The following HMCN2 variants were observed in gnomAD, a reference collection of about 807,000 sequenced individuals.
HMCN2 encodes the protein hemicentin-2.
HMCN2 carries 325 observed loss-of-function variants against 377.5 expected under a neutral mutation model. The observed-to-expected ratio is 0.86, with a 90% confidence interval of 0.79 to 0.94. HMCN2 has a LOEUF of 0.94. HMCN2 is among the 40% of genes least tolerant of loss of function. The pLI is 0.00. For synonymous variants in HMCN2, 2,007 were observed against 2,046.8 expected, an observed-to-expected ratio of 0.98 and a Z score of 0.53; for missense variants, 4,543 against 4,725.3, an observed-to-expected ratio of 0.96 and a Z score of 1.13.
rs953089029 is a variant in HMCN2 at position 130,311,871 on chromosome 9, G to A, written c.2350+1810G>A. 2.9e-3 allele frequency among the ~76,000 whole-genome samples: 440 copies of A among 152,244 alleles called. 2 individuals are homozygous for A. The highest frequency in any genetic ancestry group is 9.9e-3 in the African/African-American group (410 of 41,544). ...GGGGTTGGTGAGAGGTTTTCAGGAG[G>A]AGGGTCGTGTGCTCAGACTTTTCCA... On this transcript the variant is annotated intron_variant, in intron 15 of 97. Coordinates refer to ENST00000683500, the MANE Select transcript of HMCN2 (RefSeq NM_001291815.2).
At chr9:130,391,693 C>A in intron 65 of HMCN2, 119 bp downstream of exon 65, 1 of 875,452 alleles carries the variant, frequency 1.1e-6, no homozygotes, top group Non-Finnish European at 1.4e-6. Flanking sequence ...CCTGGGCCTC[C>A]ATGGCCCATC....
At chr9:130,372,992 C>CCA (rs1399423374) in intron 47 of HMCN2, 46 bp from the exon 48 acceptor site, 1 of 140,524 alleles carries the variant, frequency 7.1e-6, no homozygotes, top group Non-Finnish European at 1.6e-5. Context: ...GGGCCAGCCC[C>CCA]CCCCCCCACC....
At chr9:130,278,464 G>T (rs745980794) in intron 1 of HMCN2, among the ~76,000 whole-genome samples, 7 of 152,006 alleles carry the variant, frequency 4.6e-5, no homozygotes, top group Non-Finnish European at 1.0e-4. Context: ...AGTGGCAAAG[G>T]GAACAGGCAT....
chr9:130,283,973 C>T (rs969789704), intron 1 of HMCN2, among the ~76,000 whole-genome samples: 5 of 152,132 alleles, frequency 3.3e-5, no homozygotes, highest in Non-Finnish European at 7.3e-5. Flanking sequence ...GCATGTGTAA[C>T]GTTTTAGAAA....
chr9:130,316,559 C>A (rs1837571347), intron 15 of HMCN2, among the ~76,000 whole-genome samples: 1 of 152,176 alleles, frequency 6.6e-6, no homozygotes, highest in South Asian at 2.1e-4. Flanking sequence ...CACTTAGAGC[C>A]CCATCCCCAC....
intron 54 of HMCN2, among the ~76,000 whole-genome samples, chr9:130,381,833 A>G (rs1841737740): frequency 6.6e-6 from 1 of 152,012 alleles, no homozygotes; most frequent in African/African-American, 2.4e-5. Context: ...TGGGCTCAGC[A>G]CAACAGCAGA....
chr9:130,396,249 G>A lies in HMCN2; in HGVS notation c.11134G>A (p.Gly3712Ser), dbSNP rs952484155. ...QTALLPCQAD[G>S]VPAPLVSWRK... ...AGCCCTGCTGCCTTGCCAGGCCGAC[G>A]GCGTGCCCGCACCCCTCGTGAGCTG... Residue 3712 changes from glycine (G) to serine (S), a missense_variant, in exon 73 of 98, where the codon GGC becomes AGC. Coordinates refer to ENST00000683500, the MANE Select transcript of HMCN2 (RefSeq NM_001291815.2). 6.2e-6 allele frequency: 8 copies of A among 1,287,002 alleles called. No homozygotes were observed. Among genetic ancestry groups the A allele is most frequent in the Middle Eastern group, 2.1e-4 (1 of 4,708 alleles). The allele number at this position is 1,287,002 out of a possible 1,614,324, so 79.7% of individuals were successfully genotyped here. A position where few individuals can be genotyped will look rare whatever the true frequency, so the allele number is the denominator to read the frequency against.
intron 4 of HMCN2, 91 bp from the exon 5 acceptor site, chr9:130,294,764 A>T: frequency 2.9e-6 from 1 of 345,740 alleles, no homozygotes; most frequent in South Asian, 2.2e-5. Context: ...GCCTTGGGCG[A>T]CCTGGAAAGT....
At chr9:130,293,130 C>G (rs1449298502) in intron 4 of HMCN2, among the ~76,000 whole-genome samples, 1 of 152,056 alleles carries the variant, frequency 6.6e-6, no homozygotes, top group African/African-American at 2.4e-5. Flanking sequence ...TTGATACTTG[C>G]AGCTGTCTCT....
intron 85 of HMCN2, among the ~76,000 whole-genome samples, chr9:130,411,572 C>G (rs1843407473): frequency 6.8e-6 from 1 of 146,582 alleles, no homozygotes; most frequent in Non-Finnish European, 1.5e-5. Context: ...CGCACTCCAG[C>G]CTGGTTGACA....
At chr9:130,411,819 G>A (rs1352724158) in intron 85 of HMCN2, among the ~76,000 whole-genome samples, 1 of 151,948 alleles carries the variant, frequency 6.6e-6, no homozygotes, top group Non-Finnish European at 1.5e-5. Context: ...GGGAGAAGGG[G>A]GAGTTAGAAT....
chr9:130,310,221 C>T (rs193153625), intron 15 of HMCN2, among the ~76,000 whole-genome samples, 160 bp downstream of exon 15: 109 of 152,310 alleles, frequency 7.2e-4, no homozygotes, highest in African/African-American at 2.4e-3. Flanking sequence ...CCAGGGGAGG[C>T]GGTGCATGCA....
intron 1 of HMCN2, among the ~76,000 whole-genome samples, chr9:130,274,347 C>T (rs924608787): frequency 5.9e-5 from 9 of 152,152 alleles, no homozygotes; most frequent in African/African-American, 1.2e-4. Context: ...TGAGCCACCG[C>T]GCCTGGCCAA....
Position 130,360,778 on chromosome 9 carries a change from A to G in HMCN2, c.5950+174A>G, listed in dbSNP as rs1202303815. On this transcript the variant is annotated intron_variant, in intron 38 of 97. Transcript: ENST00000683500. The surrounding 1 kb of genome is among the most constrained non-coding windows in gnomAD (Gnocchi z 4.7). ...CATCCATCCATCCATCCATCCATCC[A>G]TCCATCCATCCCACCCATCCATCCA... 2.7e-5 allele frequency among the ~76,000 whole-genome samples: 4 copies of G among 148,454 alleles called. No homozygotes were observed. The highest frequency in any genetic ancestry group is 1.0e-4 in the African/African-American group (4 of 39,896).
At chr9:130,287,823 G>A (rs1554928548) in intron 4 of HMCN2, among the ~76,000 whole-genome samples, 1 of 152,172 alleles carries the variant, frequency 6.6e-6, no homozygotes. Context: ...AGGAGAGAGA[G>A]GCAGGGTGTC....
rs569857058 is a variant in HMCN2 at position 130,357,765 on chromosome 9, G to A, written c.5426-69G>A. ...CCTTCTCACCCCCAGGCATCGAGGG[G>A]GTTGCTGGGTGCCCACTGTACTCCT... On this transcript the variant is annotated intron_variant, in intron 34 of 97. Coordinates refer to ENST00000683500, the MANE Select transcript of HMCN2 (RefSeq NM_001291815.2). The A allele has an allele frequency of 1.8e-5, 21 of 1,190,218 alleles. No homozygotes were observed. In the African/African-American group the frequency reaches 3.0e-4, roughly 17 times the overall value. The allele number at this position is 1,190,218 out of a possible 1,614,324, so 73.7% of individuals were successfully genotyped here.
chr9:130,349,956 G>GTGCAGT (rs1839613162), intron 29 of HMCN2, among the ~76,000 whole-genome samples: 2 of 138,044 alleles, frequency 1.4e-5, no homozygotes, highest in Non-Finnish European at 1.5e-5. Context: ...AGAGTGCAGT[G>GTGCAGT]GAACGATCTC....
rs748612969 is a variant in HMCN2 at position 130,433,561 on chromosome 9, G to C, written c.15108G>C (p.Ala5036=). The C allele has an allele frequency of 1.4e-6, 2 of 1,473,106 alleles. No individual in the cohort carries two copies. Among genetic ancestry groups the C allele is most frequent in the African/African-American group, 1.5e-5 (1 of 67,420 alleles). 91.3% of individuals were successfully genotyped at this position (1,473,106 alleles called of 1,614,324 possible). The change falls in exon 98 of 98, where the codon GCG becomes GCC. Residue 5036 remains alanine, a synonymous_variant. Transcript: ENST00000683500. ...CCTTCGCGCTGCGTCCGCTGCGCGC[G>C]GGCCTTGGCGCGGTCTACACCCGTC... ...RSPFALRPLR[A]GLGAVYTRRA... is the part of the protein sequence containing the mutation.
chr9:130,342,893 C>G (rs993946277), intron 25 of HMCN2, among the ~76,000 whole-genome samples: 9 of 152,140 alleles, frequency 5.9e-5, no homozygotes, highest in Non-Finnish European at 8.8e-5. Flanking sequence ...GTCTTTGGGG[C>G]AGGAGCACGG....
Sources: gnomAD v4.1 joint callset for allele counts (sites outside exome capture counted in the v4.1 genomes callset) on GRCh38, gnomAD v4.1.1 for gene constraint, Gnocchi (gnomAD v3.1) non-coding constraint, MANE v1.5 for transcripts, NCBI Gene and HGNC (gene_info 2026-07-23, HGNC 2026-07-21) for gene names.